RPS6KA6: variants seen among roughly 807,000 people sequenced by gnomAD.
RPS6KA6 encodes ribosomal protein S6 kinase A6, also known as ribosomal protein S6 kinase alpha-6.
A neutral mutation model predicts 65.4 loss-of-function variants in RPS6KA6; 27 were observed. The ratio of observed to expected loss-of-function variants is 0.41; its 90% CI spans 0.30 to 0.57. The LOEUF (loss-of-function observed/expected upper bound fraction) is 0.57, where lower values mean the gene tolerates loss of function less well. Among genes scored for constraint, RPS6KA6 ranks in the 20% least tolerant of loss-of-function variants. RPS6KA6 has a pLI of 0.24. For missense variants in RPS6KA6, 486 were observed against 555.6 expected (o/e 0.87, Z 1.26); for synonymous variants, 190 against 184.2 (o/e 1.03, Z -0.26).
At chrX:84,075,754 A>C (rs1157399289) in intron 20 of RPS6KA6, among the ~76,000 whole-genome samples, 3 of 111,926 alleles carry the variant, frequency 2.7e-5, no homozygotes, top group African/African-American at 9.7e-5. Context: ...ACTGAAAAAA[A>C]GTCAACCAAT....
rs1204237391 is a variant in RPS6KA6, at chrX:84,105,788, T to A, written c.1454A>T (p.Asp485Val). 9.2e-7 allele frequency: 1 copy of A among 1,088,821 alleles called. No individual in the cohort carries two copies. The highest frequency in any genetic ancestry group is 2.3e-5 in the Admixed American group (1 of 42,905). The allele number at this position is 1,088,821 out of a possible 1,213,427, so 89.7% of individuals were successfully genotyped here. Reference protein sequence around the residue: ...GQHPNIITLKDVFDDGRYVYL... With the variant: ...GQHPNIITLKVVFDDGRYVYL... ...ATACCTAGATTTAGAAATACCTACA[T>A]CCTTCAAAGTAATAATGTTGGGATG... The change falls in exon 16 of 22, where the codon GAT (aspartate) becomes GTT (valine). Residue 485 changes from aspartate to valine, a missense_variant and splice_region_variant. By Grantham distance (152) the Asp-to-Val change is radical. This residue lies in a region of RPS6KA6 where 345 missense variants were observed against 375.0 expected (regional missense o/e 0.92). Coordinates refer to ENST00000262752, the MANE Select transcript of RPS6KA6 (RefSeq NM_014496.5).
At chrX:84,102,554 T>A (rs774212042) in intron 17 of RPS6KA6, among the ~76,000 whole-genome samples, 1 of 110,703 alleles carries the variant, frequency 9.0e-6, no homozygotes, top group Non-Finnish European at 1.9e-5. Context: ...CAAACTAAAC[T>A]AAGTTTAGAC....
At chrX:84,168,643 G>T (rs2035635142) in intron 1 of RPS6KA6, among the ~76,000 whole-genome samples, 1 of 111,578 alleles carries the variant, frequency 9.0e-6, no homozygotes, top group Admixed American at 9.5e-5. Flanking sequence ...ATTATCCATA[G>T]AAAAAAGGAT....
chrX:84,160,934 G>A (rs1388292691), intron 2 of RPS6KA6, among the ~76,000 whole-genome samples: 1 of 111,120 alleles, frequency 9.0e-6, no homozygotes, highest in Non-Finnish European at 1.9e-5. Flanking sequence ...TCTGCATTAT[G>A]ACTGAAAACC....
intron 1 of RPS6KA6, among the ~76,000 whole-genome samples, chrX:84,180,080 A>C: frequency 9.0e-6 from 1 of 111,477 alleles, no homozygotes; most frequent in Non-Finnish European, 1.9e-5. Flanking sequence ...TTCAGTCCAC[A>C]TTTCCCCTCA....
At chrX:84,141,176 C>T (rs975835345) in intron 6 of RPS6KA6, among the ~76,000 whole-genome samples, 2 of 110,939 alleles carry the variant, frequency 1.8e-5, no homozygotes, top group South Asian at 3.7e-4. Flanking sequence ...AAGTATGATT[C>T]CATTGAAGTA....
intron 1 of RPS6KA6, among the ~76,000 whole-genome samples, chrX:84,173,580 AAT>A (rs1333013870): frequency 3.5e-5 from 4 of 112,789 alleles, no homozygotes; most frequent in Non-Finnish European, 5.6e-5. Flanking sequence ...GAGAATAAAA[AAT>A]ATGTGAATCA....
At chrX:84,137,901 C>A (rs889753259) in intron 6 of RPS6KA6, among the ~76,000 whole-genome samples, 1 of 111,487 alleles carries the variant, frequency 9.0e-6, no homozygotes, top group Admixed American at 9.5e-5. Flanking sequence ...GTTCAGTAAT[C>A]CTTAATTTTT....
chrX:84,148,360 T>G (rs946327928), intron 3 of RPS6KA6, among the ~76,000 whole-genome samples: 1 of 110,944 alleles, frequency 9.0e-6, no homozygotes, highest in Non-Finnish European at 1.9e-5. Flanking sequence ...CCCACGAATA[T>G]GTACAACTAT....
chrX:84,127,686 C>T (rs2034821287), intron 8 of RPS6KA6, among the ~76,000 whole-genome samples: 1 of 110,462 alleles, frequency 9.1e-6, no homozygotes, highest in Admixed American at 9.6e-5. Context: ...TAATATGACA[C>T]ATCATACCAA....
intron 18 of RPS6KA6, among the ~76,000 whole-genome samples, chrX:84,100,882 C>T (rs1398314884): frequency 9.0e-6 from 1 of 110,596 alleles, no homozygotes; most frequent in Admixed American, 9.7e-5. Context: ...AACAGATGTT[C>T]TGCCTGTTCT....
At chrX:84,099,613 A>G (rs2147411536) in intron 18 of RPS6KA6, among the ~76,000 whole-genome samples, 1 of 111,487 alleles carries the variant, frequency 9.0e-6, no homozygotes, top group South Asian at 3.7e-4. Flanking sequence ...AAAGCTACAG[A>G]CACAGTATCC....
intron 20 of RPS6KA6, among the ~76,000 whole-genome samples, chrX:84,081,172 TGAATCCAG>T (rs1442362390): frequency 9.0e-6 from 1 of 111,452 alleles, no homozygotes; most frequent in Non-Finnish European, 1.9e-5. Flanking sequence ...AAAAAATCAA[TGAATCCAG>T]GAGCTGGTTT....
In RPS6KA6 at chrX:84,065,046, C is replaced by A; in HGVS notation, c.2037G>T (p.Lys679Asn). Residue 679 changes from lysine to asparagine, a missense_variant, in exon 21 of 22, where the codon AAG becomes AAT. This residue lies in a region of RPS6KA6 where 345 missense variants were observed against 375.0 expected (regional missense o/e 0.92). Transcript: ENST00000262752. ...GGTCTCTGTGAGTTATCCATGAGTG[C>A]TTTAATATTTGTTCAGCAGTATACC... ...HQRYTAEQIL[K>N]HSWITHRDQL... 5.0e-6 allele frequency: 6 copies of A among 1,202,690 alleles called. No homozygotes were observed. Among genetic ancestry groups the A allele is most frequent in the Non-Finnish European group, 6.8e-6 (6 of 888,590 alleles).
Position 84,187,966 on chromosome X carries a change from T to C in RPS6KA6, c.-67A>G, listed in dbSNP as rs1170981181. ...CTGGCGCGGCCGCGCATCCTGTCTA[T>C]TGAACTGGCCCGCCGCCGCCGCCGC... On this transcript the variant is annotated 5_prime_UTR_variant, in exon 1 of 22. Coordinates refer to ENST00000262752, the MANE Select transcript of RPS6KA6 (RefSeq NM_014496.5). 1.5e-5 allele frequency: 14 copies of C among 912,220 alleles called. No individual in the cohort carries two copies. The highest frequency in any genetic ancestry group is 2.1e-5 in the African/African-American group (1 of 46,739). The allele number at this position is 912,220 out of a possible 1,213,427, so 75.2% of individuals were successfully genotyped here. A position where few individuals can be genotyped will look rare whatever the true frequency, so the allele number is the denominator to read the frequency against.
chrX:84,157,438 G>T (rs1270469989), intron 2 of RPS6KA6, among the ~76,000 whole-genome samples: 5 of 111,695 alleles, frequency 4.5e-5, no homozygotes, highest in Non-Finnish European at 9.4e-5. Context: ...CTATGGAAGT[G>T]AATTTCCCTA....
intron 20 of RPS6KA6, among the ~76,000 whole-genome samples, chrX:84,091,007 A>G (rs1401808254): frequency 8.9e-6 from 1 of 111,962 alleles, no homozygotes; most frequent in African/African-American, 3.3e-5. Context: ...GTGGATTGAA[A>G]AGAGTACTAA....
At chrX:84,105,683 T>G in intron 16 of RPS6KA6, 104 bp downstream of exon 16, 6 of 417,389 alleles carry the variant, frequency 1.4e-5, no homozygotes, top group Non-Finnish European at 2.4e-5. Context: ...TTTTGAGGCA[T>G]GAAAATAAAT....
chrX:84,068,357 C>A (rs1339265870), intron 20 of RPS6KA6, among the ~76,000 whole-genome samples: 1 of 111,936 alleles, frequency 8.9e-6, no homozygotes, highest in Non-Finnish European at 1.9e-5. Context: ...GCAGAAAAGG[C>A]CTTCAATAAA....
Sources: allele counts gnomAD v4.1 joint callset (sites outside exome capture counted in the v4.1 genomes callset), GRCh38; gene constraint gnomAD v4.1.1; regional missense constraint gnomAD v4.1.1; transcripts MANE v1.5; gene names NCBI Gene and HGNC (gene_info 2026-07-23, HGNC 2026-07-21).